Variants in FBXO21 observed in about 807,000 individuals in gnomAD.
The protein encoded by FBXO21 is F-box only protein 21.
Under a neutral mutation model 76.6 loss-of-function variants are expected in FBXO21, and 32 were observed. That is an observed-to-expected ratio of 0.42 (90% CI 0.32 to 0.56). The LOEUF (loss-of-function observed/expected upper bound fraction) is 0.56. Among genes scored for constraint, FBXO21 ranks in the 20% least tolerant of loss-of-function variants. FBXO21 has a pLI of 0.16. For missense variants in FBXO21, 586 were observed against 797.3 expected (o/e 0.73, Z 3.19); for synonymous variants, 328 against 311.5 (o/e 1.05, Z -0.56).
chr12:117,180,961 C>T (rs533737304), intron 3 of FBXO21, among the ~76,000 whole-genome samples: 1 of 152,262 alleles, frequency 6.6e-6, no homozygotes, highest in East Asian at 1.9e-4. Flanking sequence ...TATGTTCTCC[C>T]CCACTGTCCA....
chr12:117,166,186 G>A (rs1233718326), intron 8 of FBXO21, among the ~76,000 whole-genome samples: 3 of 107,744 alleles, frequency 2.8e-5, no homozygotes, highest in Non-Finnish European at 5.3e-5. Flanking sequence ...GCGAAACTAT[G>A]TCTCAAAAAA....
chr12:117,164,274 C>CTT (rs538169408), intron 9 of FBXO21, among the ~76,000 whole-genome samples: 20 of 126,832 alleles, frequency 1.6e-4, no homozygotes, highest in Middle Eastern at 3.9e-3. Flanking sequence ...CTTTTCTTTT[C>CTT]TTTTTTTTTT....
intron 3 of FBXO21, 93 bp downstream of exon 3, chr12:117,186,384 A>C (rs182134207): frequency 1.5e-5 from 13 of 857,164 alleles, no homozygotes; most frequent in Middle Eastern, 4.4e-4. Context: ...AATATTTGGA[A>C]TCACATATTC....
intron 7 of FBXO21, among the ~76,000 whole-genome samples, chr12:117,167,621 G>A (rs1956068675): frequency 6.6e-6 from 1 of 152,054 alleles, no homozygotes; most frequent in African/African-American, 2.4e-5. Flanking sequence ...CGCACCTGTA[G>A]TCCCAGCTAC....
rs1435297756 is a variant in FBXO21, at chr12:117,151,384, T to C, written c.1675+4407A>G. The stretch of plus-strand genomic sequence containing the variant: ...ACACCGGGGAAAGAATTCTCTTCAT[T>C]GTACAAACTAAAACTATTTGAAGAT... On this transcript the variant is annotated intron_variant, in intron 11 of 11. Coordinates refer to ENST00000622495, the MANE Select transcript of FBXO21 (RefSeq NM_015002.3). Among the ~76,000 whole-genome samples, 2 of 152,186 alleles carry C rather than the reference T, an allele frequency of 1.3e-5. 1 individual carries two copies. The highest frequency in any genetic ancestry group is 2.9e-5 in the Non-Finnish European group (2 of 68,030).
Position 117,154,551 on chromosome 12 carries a change from A to C in FBXO21, c.1675+1240T>G, listed in dbSNP as rs1195071190. Among the ~76,000 whole-genome samples, 5 of 152,048 alleles carry C rather than the reference A, an allele frequency of 3.3e-5. No individual in the cohort carries two copies. The East Asian group carries it at 9.6e-4, about 29-fold the overall frequency. ...CAGGTGTACACTACTCTGCCTGGCT[A>C]ATTTTTAAATTTTTTTGTAGAGATG... On this transcript the variant is annotated intron_variant, in intron 11 of 11. Transcript: ENST00000622495.
chr12:117,189,831 C>A (rs1000602716), intron 1 of FBXO21, among the ~76,000 whole-genome samples: 2 of 152,212 alleles, frequency 1.3e-5, no homozygotes, highest in Non-Finnish European at 2.9e-5. Context: ...CCTGGGGCCA[C>A]GCTGAAATCT....
rs1956157420 is a variant in FBXO21, at chr12:117,174,806, G to A, written c.593-9C>T. ...GTCAATATATACAGCACCTGAAAAT[G>A]AACAAGAATTACCGAATAAATTCTC... is the stretch of plus-strand genomic sequence containing the variant. On this transcript the variant is annotated splice_polypyrimidine_tract_variant and intron_variant, in intron 4 of 11. Coordinates refer to ENST00000622495, the MANE Select transcript of FBXO21 (RefSeq NM_015002.3). 1 of 1,606,176 alleles carries A rather than the reference G, an allele frequency of 6.2e-7. No homozygotes were observed. Among genetic ancestry groups the A allele is most frequent in the South Asian group, 1.1e-5 (1 of 89,736 alleles).
intron 2 of FBXO21, among the ~76,000 whole-genome samples, chr12:117,187,288 C>T (rs867270718): frequency 7.9e-5 from 11 of 138,816 alleles, no homozygotes; most frequent in African/African-American, 1.6e-4. Context: ...GGCGTAGTGG[C>T]GCATGCCAGT....
rs561479387 is a variant in FBXO21, at chr12:117,144,020, T to C, written c.*2067A>G. ...TTTAGAAAAATATAAAGTGCCCAAA[T>C]ACCAACTTACACAGGTGATACAGGC... On this transcript the variant is annotated 3_prime_UTR_variant, in exon 12 of 12. Transcript: ENST00000622495. The C allele has an allele frequency of 1.3e-5, 2 of 152,716 alleles. No individual in the cohort carries two copies. The highest frequency in any genetic ancestry group is 6.5e-5 in the Admixed American group (1 of 15,286). 9.5% of individuals were successfully genotyped at this position (152,716 alleles called of 1,614,324 possible).
intron 9 of FBXO21, among the ~76,000 whole-genome samples, chr12:117,160,603 C>T (rs1463177825): frequency 6.6e-6 from 1 of 152,146 alleles, no homozygotes; most frequent in African/African-American, 2.4e-5. Context: ...TTTGAGTCTT[C>T]TTTATTCATA....
rs756069843 is a variant in FBXO21 at position 117,190,253 on chromosome 12, G to C, written c.204C>G (p.Ser68Arg). 6.5e-7 allele frequency: 1 copy of C among 1,545,020 alleles called. No individual in the cohort carries two copies. The change falls in exon 1 of 12, where the codon AGC (serine) becomes AGG (arginine). Residue 68 changes from serine (S) to arginine (R), a missense_variant. Transcript: ENST00000622495. ...ACTGCTCCTTCCACACCTTCCCGCT[G>C]CTCTGGCACAGCTCGCGCAGCCGCC... ...TCRRLRELCQ[S>R]SGKVWKEQFR...
chr12:117,150,627 T>A (rs1282810890), intron 11 of FBXO21, among the ~76,000 whole-genome samples: 1 of 128,130 alleles, frequency 7.8e-6, no homozygotes, highest in African/African-American at 2.5e-5. Flanking sequence ...AGAAGACTCC[T>A]TGTGAATGAC....
Position 117,190,442 on chromosome 12 carries a change from T to C in FBXO21, c.15A>G (p.Ala5=). 2.2e-6 allele frequency: 3 copies of C among 1,376,430 alleles called. No individual in the cohort carries two copies. Among genetic ancestry groups the C allele is most frequent in the Non-Finnish European group, 2.9e-6 (3 of 1,030,146 alleles). The allele number at this position is 1,376,430 out of a possible 1,614,324, so 85.3% of individuals were successfully genotyped here. Residue 5 remains alanine (A), a synonymous_variant, in exon 1 of 12, where the codon GCA becomes GCG. Transcript: ENST00000622495. ...GCACCACCTCCATCGCGCTGTCGAC[T>C]GCTGCCGCCGCCATCTTGTCCGCGT... The part of the protein sequence containing the change: MAAA[A]VDSAMEVVPA...
chr12:117,180,509 T>G (rs1956216897), intron 3 of FBXO21, among the ~76,000 whole-genome samples: 1 of 152,368 alleles, frequency 6.6e-6, no homozygotes, highest in East Asian at 1.9e-4. Context: ...ATTCTGCTTC[T>G]CCAGGATATC....
At position 117,146,249 on chromosome 12, in the gene FBXO21, T is replaced by C; in HGVS notation, c.1704A>G (p.Gln568=). ...GTCCCACGTCAGGGTGTGAGATTTC[T>C]TGAGGCTCCACGTTATATTCCAAGT... The part of the protein sequence containing the change: ...QENLEYNVEP[Q]EISHPDVGRY... The change falls in exon 12 of 12, where the codon CAA becomes CAG. Residue 568 remains glutamine (Q), a synonymous_variant. Coordinates refer to ENST00000622495, the MANE Select transcript of FBXO21 (RefSeq NM_015002.3). The C allele has an allele frequency of 3.1e-6, 5 of 1,610,620 alleles. No homozygotes were observed. The highest frequency in any genetic ancestry group is 4.2e-6 in the Non-Finnish European group (5 of 1,179,004).
intron 3 of FBXO21, among the ~76,000 whole-genome samples, chr12:117,178,718 T>C (rs1321464551): frequency 1.3e-5 from 2 of 152,084 alleles, no homozygotes; most frequent in Non-Finnish European, 1.5e-5. Flanking sequence ...TGTTCTCACC[T>C]TCTCCTAGGT....
chr12:117,182,609 C>A (rs1397867403), intron 3 of FBXO21, among the ~76,000 whole-genome samples: 1 of 137,412 alleles, frequency 7.3e-6, no homozygotes, highest in Non-Finnish European at 1.5e-5. Context: ...GTCGCCCAGG[C>A]TGGAGTGCAG....
chr12:117,153,491 G>C (rs1445483928), intron 11 of FBXO21, among the ~76,000 whole-genome samples: 1 of 152,254 alleles, frequency 6.6e-6, no homozygotes, highest in Non-Finnish European at 1.5e-5. Flanking sequence ...GGCTGTTACA[G>C]AGGTGGGCAC....
Sources: allele counts gnomAD v4.1 joint callset (sites outside exome capture counted in the v4.1 genomes callset), GRCh38; gene constraint gnomAD v4.1.1; transcripts MANE v1.5; gene names NCBI Gene and HGNC (gene_info 2026-07-23, HGNC 2026-07-21).